Variants in OTUD7A observed in about 807,000 individuals in gnomAD.
OTUD7A encodes the protein OTU domain-containing protein 7A.
A neutral mutation model predicts 65.7 loss-of-function variants in OTUD7A; 12 were observed. The observed-to-expected ratio is 0.18, with a 90% CI of 0.12 to 0.30. The LOEUF is 0.30. Among genes scored for constraint, OTUD7A ranks in the 10% least tolerant of loss-of-function variants. The pLI is 1.00. For synonymous variants in OTUD7A, 641 were observed against 586.3 expected (o/e 1.09, Z -1.35); for missense variants, 1,148 against 1,304.8 (o/e 0.88, Z 1.85).
intron 1 of OTUD7A, among the ~76,000 whole-genome samples, chr15:31,867,673 T>A (rs1037732859): frequency 6.6e-6 from 1 of 152,208 alleles, no homozygotes; most frequent in Non-Finnish European, 1.5e-5. Flanking sequence ...TGTAGTTCAC[T>A]GAAGTCAACT....
Position 31,655,184 on chromosome 15 carries a change from A to T in OTUD7A, c.63T>A (p.Asp21Glu). 2 of 1,550,158 alleles carry T rather than the reference A, an allele frequency of 1.3e-6. No homozygotes were observed. Among genetic ancestry groups the T allele is most frequent in the Non-Finnish European group, 1.7e-6 (2 of 1,142,880 alleles). Residue 21 changes from aspartate to glutamate, a missense_variant, in exon 3 of 13, where the codon GAT becomes GAA. Asp to Glu is a conservative substitution (Grantham distance 45, BLOSUM62 2). Coordinates refer to ENST00000307050, the MANE Select transcript of OTUD7A (RefSeq NM_001382637.1). ...SAECWAALLH[D>E]PMTLDMDAVL... ...CTGCGTCCATATCAAGAGTCATAGGATCATGTAGAAGTGCTGCCCAACACT... is the reference window on the plus strand; with the variant it reads ...CTGCGTCCATATCAAGAGTCATAGGTTCATGTAGAAGTGCTGCCCAACACT...
chr15:31,547,898 ACT>A (rs1888183539), intron 5 of OTUD7A, among the ~76,000 whole-genome samples: 3 of 152,142 alleles, frequency 2.0e-5, no homozygotes, highest in Admixed American at 6.5e-5. Context: ...GCTTAAACTA[ACT>A]CTGTTTGCCC....
chr15:31,651,891 GACATA>G (rs1891848909), intron 3 of OTUD7A, among the ~76,000 whole-genome samples: 1 of 150,152 alleles, frequency 6.7e-6, no homozygotes, highest in Non-Finnish European at 1.5e-5. Context: ...TGGACTGAAA[GACATA>G]ACATAGGATT....
chr15:31,810,962 C>A (rs1050155281), intron 1 of OTUD7A, among the ~76,000 whole-genome samples: 4 of 152,174 alleles, frequency 2.6e-5, no homozygotes, highest in Non-Finnish European at 5.9e-5. Flanking sequence ...AGGTGCAAAG[C>A]CAAGCCACTG....
intron 1 of OTUD7A, chr15:31,689,518 A>G (rs1381800113): frequency 2.0e-5 from 3 of 150,186 alleles, no homozygotes; most frequent in East Asian, 2.0e-4. Context: ...GAATGTTCAC[A>G]CTTCATGGGA....
At position 31,501,834 on chromosome 15, in the gene OTUD7A, C is replaced by T. The variant is rs371186560; in HGVS notation, c.1027G>A (p.Ala343Thr). The T allele has an allele frequency of 1.9e-6, 3 of 1,609,908 alleles. No individual in the cohort carries two copies. Among genetic ancestry groups the T allele is most frequent in the Non-Finnish European group, 2.5e-6 (3 of 1,177,648 alleles). Residue 343 changes from alanine (A) to threonine (T), a missense_variant, in exon 10 of 13, where the codon GCA becomes ACA. This residue lies in a region of OTUD7A where 58 missense variants were observed against 131.4 expected (regional missense o/e 0.44). Transcript: ENST00000307050. Reference sequence around the variant, plus strand: ...TAGATCCCTCCGAATGGGATGGGTGCGAACGCTGTGGACACAAACCAGGGT... The same window carrying T: ...TAGATCCCTCCGAATGGGATGGGTGTGAACGCTGTGGACACAAACCAGGGT... ...MLRDSGGEAF[A>T]PIPFGGIYLP...
chr15:31,830,506 C>G (rs546076492), intron 1 of OTUD7A, among the ~76,000 whole-genome samples: 1 of 152,322 alleles, frequency 6.6e-6, no homozygotes, highest in South Asian at 2.1e-4. Flanking sequence ...TCAGACTCGT[C>G]AATTTTGAAA....
At chr15:31,601,719 TAAA>T (rs1254323703) in intron 3 of OTUD7A, among the ~76,000 whole-genome samples, 5 of 151,620 alleles carry the variant, frequency 3.3e-5, no homozygotes, top group African/African-American at 9.7e-5. Context: ...GCCAGACTAA[TAAA>T]GAAGAAAAGA....
At chr15:31,502,165 T>C (rs557132308) in intron 9 of OTUD7A, among the ~76,000 whole-genome samples, 10 of 152,334 alleles carry the variant, frequency 6.6e-5, no homozygotes, top group Admixed American at 5.9e-4. Flanking sequence ...TAGTGTTTGG[T>C]AAAGCATTTG....
chr15:31,819,222 T>C (rs773237592), intron 1 of OTUD7A, among the ~76,000 whole-genome samples: 6 of 152,118 alleles, frequency 3.9e-5, no homozygotes, highest in Admixed American at 6.6e-5. Flanking sequence ...AAATCACAAA[T>C]GGAATAAAGG....
chr15:31,608,641 C>T (rs911668804), intron 3 of OTUD7A, among the ~76,000 whole-genome samples: 4 of 152,172 alleles, frequency 2.6e-5, no homozygotes, highest in Admixed American at 1.3e-4. Flanking sequence ...GTTGAAAAAT[C>T]GTAAGTTGAA....
At chr15:31,860,027 T>C (rs1455697867) in intron 1 of OTUD7A, among the ~76,000 whole-genome samples, 1 of 152,252 alleles carries the variant, frequency 6.6e-6, no homozygotes, top group Non-Finnish European at 1.5e-5. Flanking sequence ...TCTTCCATTA[T>C]GAATTTTCTT....
intron 1 of OTUD7A, among the ~76,000 whole-genome samples, chr15:31,683,166 G>A (rs1044339049): frequency 6.6e-6 from 1 of 152,140 alleles, no homozygotes; most frequent in Non-Finnish European, 1.5e-5. Context: ...ACTTACACAT[G>A]TCAGCGACTG....
rs1189694909 is a variant in OTUD7A, at chr15:31,510,905, T to TAC, written c.894-7088_894-7087insGT. Reference sequence around the variant, plus strand: ...CATATATGTATATCTATATGTAACATATATGTATATCTATATGTAACATAT... The same window carrying TAC: ...CATATATGTATATCTATATGTAACATACATATGTATATCTATATGTAACATAT... On this transcript the variant is annotated intron_variant, in intron 8 of 12. Coordinates refer to ENST00000307050, the MANE Select transcript of OTUD7A (RefSeq NM_001382637.1). Among the ~76,000 whole-genome samples the TAC allele has an allele frequency of 2.0e-4, 4 of 19,852 alleles. 2 individuals carry two copies. Among genetic ancestry groups the TAC allele is most frequent in the African/African-American group, 1.6e-3 (4 of 2,538 alleles). The allele number at this position is 19,852 out of a possible 152,430, so 13.0% of individuals were successfully genotyped here.
intron 1 of OTUD7A, among the ~76,000 whole-genome samples, chr15:31,751,304 CAT>C (rs1363263322): frequency 1.3e-5 from 2 of 151,494 alleles, no homozygotes; most frequent in African/African-American, 4.9e-5. Flanking sequence ...GGCCAACAAA[CAT>C]ATGAAAAACT....
chr15:31,581,776 T>A (rs1380362629), intron 3 of OTUD7A, among the ~76,000 whole-genome samples: 3 of 152,258 alleles, frequency 2.0e-5, no homozygotes, highest in Non-Finnish European at 2.9e-5. Flanking sequence ...TGGGAGAGGC[T>A]GCTGTGAAGA....
intron 1 of OTUD7A, among the ~76,000 whole-genome samples, chr15:31,671,470 T>G (rs1374965934): frequency 6.6e-6 from 1 of 152,242 alleles, no homozygotes; most frequent in African/African-American, 2.4e-5. Context: ...TCTGTAGCCT[T>G]GTAGTATAGT....
chr15:31,528,688 C>A (rs577087475), intron 6 of OTUD7A, among the ~76,000 whole-genome samples: 4 of 152,328 alleles, frequency 2.6e-5, no homozygotes, highest in Admixed American at 2.0e-4. Context: ...CAGAGATGGC[C>A]TCCTTGTCCT....
intron 1 of OTUD7A, among the ~76,000 whole-genome samples, chr15:31,698,223 C>G (rs1201541744): frequency 2.0e-5 from 3 of 152,254 alleles, no homozygotes; most frequent in Non-Finnish European, 4.4e-5. Context: ...CACATCAAAG[C>G]TAAGCAGCTG....
Sources: allele counts gnomAD v4.1 joint callset (sites outside exome capture counted in the v4.1 genomes callset), GRCh38; gene constraint gnomAD v4.1.1; regional missense constraint gnomAD v4.1.1; transcripts MANE v1.5; gene names NCBI Gene and HGNC (gene_info 2026-07-23, HGNC 2026-07-21).